EFEMP1: variants seen among roughly 807,000 people sequenced by gnomAD.
EFEMP1 encodes the protein EGF-like fibulin extracellular matrix protein 1.
In EFEMP1, 18 loss-of-function variants were observed where a neutral mutation model predicts 65.7. The ratio of observed to expected loss-of-function variants is 0.27; its 90% confidence interval spans 0.19 to 0.41. The LOEUF is 0.41. Among genes scored for constraint, EFEMP1 ranks in the 10% least tolerant of loss-of-function variants. EFEMP1 has a pLI of 1.00. For synonymous variants in EFEMP1, 237 were observed against 219.7 expected, an observed-to-expected ratio of 1.08 and a Z score of -0.70; for missense variants, 469 against 624.8, an observed-to-expected ratio of 0.75 and a Z score of 2.66.
In EFEMP1 at chr2:55,867,033, T is replaced by G; in HGVS notation, c.*40A>C. On this transcript the variant is annotated 3_prime_UTR_variant, in exon 12 of 12. Coordinates refer to ENST00000355426, the MANE Select transcript of EFEMP1 (RefSeq NM_001039348.3). The surrounding 1 kb of genome is among the most constrained non-coding windows in gnomAD (Gnocchi z 4.3). Reference sequence around the variant, plus strand: ...TAGTGCTTTAAGGTAACAATATTCTTTGGCTGACTTAAATGCCTGTGGTTG... The same window carrying G: ...TAGTGCTTTAAGGTAACAATATTCTGTGGCTGACTTAAATGCCTGTGGTTG... 6.2e-7 allele frequency: 1 copy of G among 1,610,954 alleles called. No homozygotes were observed. The highest frequency in any genetic ancestry group is 8.5e-7 in the Non-Finnish European group (1 of 1,178,910).
chr2:55,913,419 C>T (rs543474241), intron 5 of EFEMP1, among the ~76,000 whole-genome samples: 1 of 152,222 alleles, frequency 6.6e-6, no homozygotes, highest in African/African-American at 2.4e-5. Flanking sequence ...GTTCATTTCT[C>T]GATGGCACAG....
chr2:55,892,538 A>ATTAAATGGCTCTGTTAGGT (rs1669669381), intron 5 of EFEMP1, among the ~76,000 whole-genome samples: 1 of 152,112 alleles, frequency 6.6e-6, no homozygotes, highest in African/African-American at 2.4e-5. Context: ...TCTGGATAGG[A>ATTAAATGGCTCTGTTAGGT]TTAAATGGCT....
intron 5 of EFEMP1, among the ~76,000 whole-genome samples, chr2:55,907,610 T>C (rs1670329953): frequency 6.6e-6 from 1 of 152,220 alleles, no homozygotes; most frequent in African/African-American, 2.4e-5. Context: ...TGTGAATGTA[T>C]GTACAAGAGG....
intron 5 of EFEMP1, among the ~76,000 whole-genome samples, chr2:55,904,750 C>T (rs1670177960): frequency 6.6e-6 from 1 of 152,178 alleles, no homozygotes; most frequent in South Asian, 2.1e-4. Context: ...GACCAAATTA[C>T]ACCACTGGCT....
chr2:55,866,046 C>T lies in EFEMP1; in HGVS notation c.*1027G>A, dbSNP rs1668559770. 1.3e-5 allele frequency: 2 copies of T among 152,004 alleles called. No homozygotes were observed. The highest frequency in any genetic ancestry group is 1.5e-5 in the Non-Finnish European group (1 of 68,024). The allele number at this position is 152,004 out of a possible 1,614,324, so 9.4% of individuals were successfully genotyped here. On this transcript the variant is annotated 3_prime_UTR_variant, in exon 12 of 12. Coordinates refer to ENST00000355426, the MANE Select transcript of EFEMP1 (RefSeq NM_001039348.3). ...AGCAGTGACATTTTAAACAAGGAGA[C>T]GTATAAAATATTCCATAGAATTGGG... is the stretch of plus-strand genomic sequence containing the variant.
rs749818060 is a variant in EFEMP1 at position 55,876,627 on chromosome 2, A to G, written c.876T>C (p.Cys292=). The G allele has an allele frequency of 1.9e-6, 3 of 1,612,110 alleles. No individual in the cohort carries two copies. Among genetic ancestry groups the G allele is most frequent in the South Asian group, 1.1e-5 (1 of 91,034 alleles). Residue 292 remains cysteine, a synonymous_variant, in exon 8 of 12, where the codon TGT becomes TGC. Coordinates refer to ENST00000355426, the MANE Select transcript of EFEMP1 (RefSeq NM_001039348.3). ...GYELSSDRLN[C]EDIDECRTSS... is the part of the protein sequence containing the mutation. ...ACTATCTGGGAAGAGTTTTACCTTCACAGTTGAGCCTGTCACTGCTTAGCT... is the reference window on the plus strand; with the variant it reads ...ACTATCTGGGAAGAGTTTTACCTTCGCAGTTGAGCCTGTCACTGCTTAGCT...
intron 5 of EFEMP1, among the ~76,000 whole-genome samples, chr2:55,903,810 CAT>C (rs1322873000): frequency 1.3e-5 from 2 of 151,578 alleles, no homozygotes; most frequent in African/African-American, 2.4e-5. Context: ...TGTATACATA[CAT>C]ATATGAGTGG....
At chr2:55,872,202 G>A (rs1383984245) in intron 9 of EFEMP1, among the ~76,000 whole-genome samples, 2 of 152,032 alleles carry the variant, frequency 1.3e-5, no homozygotes, top group Non-Finnish European at 2.9e-5. Flanking sequence ...TCCACAATGA[G>A]ATATTTTTAT....
intron 5 of EFEMP1, among the ~76,000 whole-genome samples, chr2:55,899,208 T>G (rs905102537): frequency 1.3e-5 from 2 of 152,230 alleles, no homozygotes; most frequent in African/African-American, 4.8e-5. Flanking sequence ...CCACTGATGA[T>G]GTGGGGACTG....
At position 55,881,726 on chromosome 2, in the gene EFEMP1, C is replaced by T. The variant is rs1669250027; in HGVS notation, c.526G>A (p.Glu176Lys). 6 of 1,613,764 alleles carry T rather than the reference C, an allele frequency of 3.7e-6. No individual in the cohort carries two copies. The highest frequency in any genetic ancestry group is 2.2e-5 in the East Asian group (1 of 44,894). The change falls in exon 6 of 12, where the codon GAG becomes AAG. Residue 176 changes from glutamate (E) to lysine (K), a missense_variant. Coordinates refer to ENST00000355426, the MANE Select transcript of EFEMP1 (RefSeq NM_001039348.3). ...CAGTTGTGCGTCCCTGCAGTGCACT[C>T]GTCTATGTCTGTCAGAGACATGCAA... The part of the protein sequence containing the change: ...SEHNVCQDID[E>K]CTAGTHNCRA...
In EFEMP1 at chr2:55,922,416, T is replaced by G; in HGVS notation, c.25A>C (p.Met9Leu). Reference sequence around the variant, plus strand: ...GACTTGACCAGCGCCAGAGTCAGCATAGTTAGGAAAAGGGCTTTCAACATT... The same window carrying G: ...GACTTGACCAGCGCCAGAGTCAGCAGAGTTAGGAAAAGGGCTTTCAACATT... MLKALFLTMLTLALVKSQD... is the reference protein window; with the variant it reads MLKALFLTLLTLALVKSQD... Residue 9 changes from methionine to leucine, a missense_variant, in exon 3 of 12, where the codon ATG (methionine) becomes CTG (leucine). Transcript: ENST00000355426. The surrounding 1 kb of genome is among the most constrained non-coding windows in gnomAD (Gnocchi z 5.5). The G allele has an allele frequency of 6.2e-7, 1 of 1,613,908 alleles. No individual in the cohort carries two copies. Among genetic ancestry groups the G allele is most frequent in the Non-Finnish European group, 8.5e-7 (1 of 1,179,834 alleles).
intron 5 of EFEMP1, among the ~76,000 whole-genome samples, chr2:55,912,418 G>A (rs953236536): frequency 6.6e-6 from 1 of 152,080 alleles, no homozygotes; most frequent in Non-Finnish European, 1.5e-5. Flanking sequence ...TTCTCTTCTG[G>A]ATATAAGATC....
Position 55,922,766 on chromosome 2 carries a change from G to C in EFEMP1, c.-8+133C>G, listed in dbSNP as rs899747763. 4 of 683,374 alleles carry C rather than the reference G, an allele frequency of 5.9e-6. No individual in the cohort carries two copies. In the African/African-American group the frequency reaches 7.6e-5, roughly 13 times the overall value. The allele number at this position is 683,374 out of a possible 1,614,324, so 42.3% of individuals were successfully genotyped here. A position where few individuals can be genotyped will look rare whatever the true frequency, so the allele number is the denominator to read the frequency against. On this transcript the variant is annotated intron_variant, in intron 2 of 11. Transcript: ENST00000355426. The surrounding 1 kb of genome is among the most constrained non-coding windows in gnomAD (Gnocchi z 5.5). The stretch of plus-strand genomic sequence containing the variant: ...AAGCAGGCTGCAGAAAGAGGGGGTC[G>C]AAAGGAAAAAACAGTAATCCATTTC...
intron 5 of EFEMP1, among the ~76,000 whole-genome samples, chr2:55,888,591 C>A (rs1377917526): frequency 6.6e-6 from 1 of 152,014 alleles, no homozygotes; most frequent in Non-Finnish European, 1.5e-5. Flanking sequence ...CCCACCTTGG[C>A]CTCCCAAAGT....
intron 3 of EFEMP1, among the ~76,000 whole-genome samples, chr2:55,918,648 C>T (rs549634595): frequency 3.6e-4 from 55 of 151,332 alleles, no homozygotes; most frequent in Middle Eastern, 6.8e-3. Flanking sequence ...TCTCTTTCCT[C>T]GCCCTCTCCC....
chr2:55,875,365 C>CACACACACACACATAT (rs1457478860), intron 8 of EFEMP1, among the ~76,000 whole-genome samples: 3 of 137,184 alleles, frequency 2.2e-5, no homozygotes, highest in East Asian at 4.1e-4. Flanking sequence ...CACACACACA[C>CACACACACACACATAT]ATATATATTT....
chr2:55,912,426 A>G (rs1670510307), intron 5 of EFEMP1, among the ~76,000 whole-genome samples: 1 of 152,214 alleles, frequency 6.6e-6, no homozygotes, highest in African/African-American at 2.4e-5. Context: ...TGGATATAAG[A>G]TCACTTAAGT....
rs1197408537 is a variant in EFEMP1 at position 55,923,153 on chromosome 2, G to T, written c.-48-214C>A. ...TTTGTTTAAAAGTCCCAGGTTGTGT[G>T]GAGGGGCAGCCCAAAGCGACTGATT... On this transcript the variant is annotated intron_variant, in intron 1 of 11. Coordinates refer to ENST00000355426, the MANE Select transcript of EFEMP1 (RefSeq NM_001039348.3). The surrounding 1 kb of genome is among the most constrained non-coding windows in gnomAD (Gnocchi z 5.3). 6.6e-6 allele frequency among the ~76,000 whole-genome samples: 1 copy of T among 152,162 alleles called. No individual in the cohort carries two copies. The highest frequency in any genetic ancestry group is 2.4e-5 in the African/African-American group (1 of 41,448).
chr2:55,872,064 A>G (rs1473152192), intron 9 of EFEMP1, among the ~76,000 whole-genome samples: 2 of 151,456 alleles, frequency 1.3e-5, no homozygotes, highest in Non-Finnish European at 2.9e-5. Flanking sequence ...GAGCCATTAC[A>G]TTTATAACAA....
Sources: gnomAD v4.1 joint callset for allele counts (sites outside exome capture counted in the v4.1 genomes callset) on GRCh38, gnomAD v4.1.1 for gene constraint, Gnocchi (gnomAD v3.1) non-coding constraint, MANE v1.5 for transcripts, NCBI Gene and HGNC (gene_info 2026-07-23, HGNC 2026-07-21) for gene names.